ITGA4: variants seen among roughly 807,000 people sequenced by gnomAD.
ITGA4 encodes integrin subunit alpha 4.
A neutral mutation model predicts 133.6 loss-of-function variants in ITGA4; 63 were observed. The ratio of observed to expected loss-of-function variants is 0.47; its 90% CI spans 0.38 to 0.58. The LOEUF is 0.58. ITGA4 is among the 20% of genes least tolerant of loss of function. The probability of loss-of-function intolerance (pLI) is 0.00; values close to 1 mark genes in which losing one functional copy is unlikely to be tolerated. For missense variants in ITGA4, 1,076 were observed against 1,252.7 expected (o/e 0.86, Z 2.13); for synonymous variants, 483 against 438.0 (o/e 1.10, Z -1.28).
intron 15 of ITGA4, among the ~76,000 whole-genome samples, chr2:181,508,908 C>A (rs1217462748): frequency 3.3e-5 from 5 of 151,136 alleles, no homozygotes; most frequent in Non-Finnish European, 4.4e-5. Flanking sequence ...TTTGGGAGGC[C>A]AAAACTGGAG....
At chr2:181,474,473 G>T (rs1483802676) in intron 2 of ITGA4, among the ~76,000 whole-genome samples, 2 of 152,152 alleles carry the variant, frequency 1.3e-5, no homozygotes, top group Non-Finnish European at 2.9e-5. Context: ...TCCACTTTCT[G>T]CATGCTTAAT....
At chr2:181,478,103 A>G (rs1685718988) in intron 4 of ITGA4, among the ~76,000 whole-genome samples, 1 of 152,126 alleles carries the variant, frequency 6.6e-6, no homozygotes, top group African/African-American at 2.4e-5. Flanking sequence ...ACATTATTTT[A>G]AGTGAAATAA....
rs1279053651 is a variant in ITGA4 at position 181,531,788 on chromosome 2, TA to T, written c.2784+16del. 1.9e-6 allele frequency: 3 copies of T among 1,588,976 alleles called. No individual in the cohort carries two copies. Among genetic ancestry groups the T allele is most frequent in the Non-Finnish European group, 2.6e-6 (3 of 1,169,362 alleles). Reference sequence around the variant, plus strand: ...CCATTTTAGAAATGGTAAGTAAGTCTAAAACATTGACAACTTGGTGGCTAAG... The same window carrying T: ...CCATTTTAGAAATGGTAAGTAAGTCTAAACATTGACAACTTGGTGGCTAAG... On this transcript the variant is annotated intron_variant, in intron 25 of 27. Coordinates refer to ENST00000397033, the MANE Select transcript of ITGA4 (RefSeq NM_000885.6).
rs1417368800 is a variant in ITGA4, at chr2:181,457,760, G to A, written c.106G>A (p.Val36Met). 2.5e-6 allele frequency: 4 copies of A among 1,613,608 alleles called. No homozygotes were observed. The highest frequency in any genetic ancestry group is 2.2e-5 in the East Asian group (1 of 44,852). ...GGTCCCGACCGGCCGCCCCTACAAC[G>A]TGGACACTGAGAGCGCGCTGCTTTA... ...LGVPTGRPYN[V>M]DTESALLYQG... The change falls in exon 1 of 28, where the codon GTG becomes ATG. Residue 36 changes from valine to methionine, a missense_variant. Coordinates refer to ENST00000397033, the MANE Select transcript of ITGA4 (RefSeq NM_000885.6).
chr2:181,509,057 G>A (rs750948177), intron 15 of ITGA4, among the ~76,000 whole-genome samples: 5 of 142,776 alleles, frequency 3.5e-5, no homozygotes, highest in Non-Finnish European at 7.5e-5. Flanking sequence ...CAGAAGGATC[G>A]CTTGAGCCCA....
At chr2:181,490,248 T>C (rs1686019074) in intron 10 of ITGA4, among the ~76,000 whole-genome samples, 1 of 152,154 alleles carries the variant, frequency 6.6e-6, no homozygotes, top group Non-Finnish European at 1.5e-5. Flanking sequence ...TTTTTCTTTC[T>C]TTGGAGGCAG....
Position 181,530,558 on chromosome 2 carries a change from A to G in ITGA4, c.2573A>G (p.Gln858Arg). 1 of 1,613,330 alleles carries G rather than the reference A, an allele frequency of 6.2e-7. No individual in the cohort carries two copies. The highest frequency in any genetic ancestry group is 8.5e-7 in the Non-Finnish European group (1 of 1,179,378). ...GGAGAATGCCACTTTGAAAATTATCAAAGAGTGTGTGCATTAGAGCAGCAA... is the reference window on the plus strand; with the variant it reads ...GGAGAATGCCACTTTGAAAATTATCGAAGAGTGTGTGCATTAGAGCAGCAA... ...TTGECHFENY[Q>R]RVCALEQQKS... The change falls in exon 24 of 28, where the codon CAA (glutamine) becomes CGA (arginine). Residue 858 changes from glutamine (Q) to arginine (R), a missense_variant. Around this residue, in one of 4 missense-constraint regions of ITGA4, gnomAD observed 365 missense variants for 421.4 expected, o/e 0.87. Transcript: ENST00000397033.
In ITGA4 at chr2:181,457,876, C is replaced by G. The variant is rs181894646; in HGVS notation, c.197+25C>G. The stretch of plus-strand genomic sequence containing the variant: ...GGTGAGTAGAGTTGGACTGATGCGC[C>G]CTCAGCAGCTCAGAGCGGCGTGAGA... On this transcript the variant is annotated intron_variant, in intron 1 of 27. Transcript: ENST00000397033. The G allele has an allele frequency of 5.9e-5, 94 of 1,584,710 alleles. No homozygotes were observed. In the Admixed American group the frequency reaches 9.7e-4, roughly 16 times the overall value.
chr2:181,508,391 A>G (rs1292944035), intron 15 of ITGA4, among the ~76,000 whole-genome samples: 1 of 152,082 alleles, frequency 6.6e-6, no homozygotes, highest in Non-Finnish European at 1.5e-5. Context: ...TAAAAGCACA[A>G]TAAACTTAGA....
At chr2:181,531,905 C>A in intron 25 of ITGA4, 129 bp downstream of exon 25, 1 of 571,006 alleles carries the variant, frequency 1.8e-6, no homozygotes. Flanking sequence ...TGGAGTAAAA[C>A]TCTAAAACTG....
intron 2 of ITGA4, 140 bp from the exon 3 acceptor site, chr2:181,474,820 C>A: frequency 3.2e-6 from 2 of 633,446 alleles, no homozygotes; most frequent in Non-Finnish European, 2.8e-6. Context: ...CAGAGTAATT[C>A]ACATTTATCC....
intron 6 of ITGA4, among the ~76,000 whole-genome samples, chr2:181,481,191 G>A (rs568514066): frequency 2.0e-5 from 3 of 151,966 alleles, no homozygotes; most frequent in South Asian, 2.1e-4. Flanking sequence ...TTTTGTCATC[G>A]AAAAGTCATC....
chr2:181,462,349 C>A (rs1685305704), intron 2 of ITGA4, among the ~76,000 whole-genome samples: 2 of 152,148 alleles, frequency 1.3e-5, no homozygotes, highest in African/African-American at 4.8e-5. Flanking sequence ...CCTTAGCCAG[C>A]CTCCTGGTTC....
chr2:181,506,616 AATAG>A (rs1324304287), intron 15 of ITGA4, among the ~76,000 whole-genome samples: 5 of 152,108 alleles, frequency 3.3e-5, no homozygotes, highest in South Asian at 2.1e-4. Context: ...AAAGACATAG[AATAG>A]ATATAGTCTT....
intron 2 of ITGA4, among the ~76,000 whole-genome samples, chr2:181,462,001 TAAA>T (rs537088026): frequency 6.6e-6 from 1 of 152,286 alleles, no homozygotes; most frequent in Non-Finnish European, 1.5e-5. Flanking sequence ...TTAGGCGAAA[TAAA>T]ATTTTAGGTT....
intron 4 of ITGA4, among the ~76,000 whole-genome samples, chr2:181,475,664 T>C (rs912082399): frequency 3.3e-5 from 5 of 152,216 alleles, no homozygotes; most frequent in African/African-American, 7.2e-5. Context: ...TTTTTACCTT[T>C]AGCTTCCAGG....
intron 22 of ITGA4, among the ~76,000 whole-genome samples, chr2:181,527,901 G>C (rs755533783): frequency 6.6e-6 from 1 of 152,120 alleles, no homozygotes; most frequent in African/African-American, 2.4e-5. Flanking sequence ...ACCTTTTAAA[G>C]TAAAGAGTAC....
At chr2:181,486,109 A>G in intron 10 of ITGA4, 117 bp downstream of exon 10, 1 of 1,364,410 alleles carries the variant, frequency 7.3e-7, no homozygotes, top group South Asian at 1.6e-5. Flanking sequence ...CCAGAATGGC[A>G]TGCTAAGTTT....
intron 18 of ITGA4, 150 bp downstream of exon 18, chr2:181,522,491 T>C (rs1686741129): frequency 1.8e-6 from 1 of 543,646 alleles, no homozygotes; most frequent in Admixed American, 3.4e-5. Flanking sequence ...GTGCCCCTGC[T>C]CAGAATGGCA....
Sources: gnomAD v4.1 joint callset for allele counts (sites outside exome capture counted in the v4.1 genomes callset) on GRCh38, gnomAD v4.1.1 for gene constraint, gnomAD v4.1.1 regional missense constraint, MANE v1.5 for transcripts, NCBI Gene and HGNC (gene_info 2026-07-23, HGNC 2026-07-21) for gene names.